The following JARID2 variants were observed in gnomAD, a reference collection of about 807,000 sequenced individuals.
The protein encoded by JARID2 is jumonji and AT-rich interaction domain containing 2, also known as protein Jumonji.
Under a neutral mutation model 125.6 loss-of-function variants are expected in JARID2, and 21 were observed. The ratio of observed to expected loss-of-function variants is 0.17; its 90% CI spans 0.12 to 0.24. The LOEUF is 0.24. Among genes scored for constraint, JARID2 ranks in the 10% least tolerant of loss-of-function variants. The pLI is 1.00. For missense variants in JARID2, 1,303 were observed against 1,639.6 expected, an observed-to-expected ratio of 0.79 and a Z score of 3.55; for synonymous variants, 736 against 661.6, an observed-to-expected ratio of 1.11 and a Z score of -1.73.
chr6:15,477,443 C>T (rs539968255), intron 5 of JARID2, among the ~76,000 whole-genome samples: 17 of 150,776 alleles, frequency 1.1e-4, no homozygotes, highest in Admixed American at 9.2e-4. Flanking sequence ...CTGGTAGCTC[C>T]ATTTTTCCTG....
chr6:15,267,285 GTA>G (rs1760121960), intron 1 of JARID2, among the ~76,000 whole-genome samples: 1 of 152,136 alleles, frequency 6.6e-6, no homozygotes, highest in Non-Finnish European at 1.5e-5. Flanking sequence ...CGGCTTATCA[GTA>G]TCTGACATAA....
At chr6:15,422,290 G>A (rs73724403) in intron 3 of JARID2, among the ~76,000 whole-genome samples, 5 of 152,306 alleles carry the variant, frequency 3.3e-5, no homozygotes, top group African/African-American at 1.2e-4. Context: ...AGCTGGAGTT[G>A]GTAGGTTTGG....
At position 15,421,835 on chromosome 6, in the gene JARID2, T is replaced by C. The variant is rs76479124; in HGVS notation, c.323+11470T>C. 7.2e-3 allele frequency among the ~76,000 whole-genome samples: 1,096 copies of C among 152,202 alleles called. 13 individuals carry two copies. Among genetic ancestry groups the C allele is most frequent in the African/African-American group, 0.025 (1,042 of 41,516 alleles). ...CAGCAGTTGGCTTGGTGAGCTGTAC[T>C]GGGGGTGGGGGTGCAGTTTGAACTG... is the stretch of plus-strand genomic sequence containing the variant. On this transcript the variant is annotated intron_variant, in intron 3 of 17. Coordinates refer to ENST00000341776, the MANE Select transcript of JARID2 (RefSeq NM_004973.4).
At chr6:15,301,389 T>C (rs1296743565) in intron 1 of JARID2, among the ~76,000 whole-genome samples, 1 of 152,216 alleles carries the variant, frequency 6.6e-6, no homozygotes, top group African/African-American at 2.4e-5. Context: ...CAGTCATCAG[T>C]GTGATATTCA....
At chr6:15,291,585 A>G (rs951656311) in intron 1 of JARID2, among the ~76,000 whole-genome samples, 22 of 152,192 alleles carry the variant, frequency 1.4e-4, no homozygotes, top group Non-Finnish European at 3.2e-4. Context: ...GGATCCTGCT[A>G]GGCCAGAATC....
intron 2 of JARID2, chr6:15,400,876 C>T: frequency 1.6e-6 from 2 of 1,287,480 alleles, no homozygotes; most frequent in South Asian, 2.5e-5. Flanking sequence ...CGGAGCCTGC[C>T]TCACTGCGCT....
chr6:15,481,098 G>A (rs1290013828), intron 5 of JARID2, among the ~76,000 whole-genome samples: 1 of 152,116 alleles, frequency 6.6e-6, no homozygotes, highest in Non-Finnish European at 1.5e-5. Context: ...ATCCCTCATT[G>A]GGAGCAAATC....
intron 1 of JARID2, among the ~76,000 whole-genome samples, chr6:15,274,265 G>T (rs1760409057): frequency 6.6e-6 from 1 of 152,060 alleles, no homozygotes; most frequent in Non-Finnish European, 1.5e-5. Context: ...TTTTTGGGGG[G>T]CATTAAGGAA....
intron 1 of JARID2, among the ~76,000 whole-genome samples, chr6:15,373,396 G>A (rs182360531): frequency 2.6e-4 from 40 of 152,204 alleles, no homozygotes; most frequent in African/African-American, 9.2e-4. Context: ...CATTCATTTT[G>A]TTAATTCTTA....
At chr6:15,266,296 T>C (rs1427780995) in intron 1 of JARID2, among the ~76,000 whole-genome samples, 1 of 152,222 alleles carries the variant, frequency 6.6e-6, no homozygotes, top group African/African-American at 2.4e-5. Flanking sequence ...TTTTAACTAT[T>C]AGTTACAATG....
At chr6:15,259,694 G>A (rs756309191) in intron 1 of JARID2, among the ~76,000 whole-genome samples, 11 of 152,208 alleles carry the variant, frequency 7.2e-5, no homozygotes, top group Non-Finnish European at 1.6e-4. Flanking sequence ...TTTTAGTGGG[G>A]TTTGGTTAAC....
intron 1 of JARID2, chr6:15,315,162 A>C (rs1762138248): frequency 6.6e-6 from 1 of 152,246 alleles, no homozygotes. Context: ...TTAATGAAGA[A>C]CAAAAGGAAA....
intron 2 of JARID2, among the ~76,000 whole-genome samples, chr6:15,399,767 C>G (rs1765354172): frequency 6.6e-6 from 1 of 152,144 alleles, no homozygotes; most frequent in Admixed American, 6.5e-5. Flanking sequence ...AAAGAAGAAA[C>G]TGAAAGTATT....
intron 3 of JARID2, among the ~76,000 whole-genome samples, chr6:15,439,895 T>C (rs1767373080): frequency 6.6e-6 from 1 of 152,238 alleles, no homozygotes; most frequent in Non-Finnish European, 1.5e-5. Context: ...AGTACTTTTA[T>C]AATGTCACAG....
chr6:15,383,596 A>G (rs1764673362), intron 2 of JARID2, among the ~76,000 whole-genome samples: 1 of 152,026 alleles, frequency 6.6e-6, no homozygotes, highest in African/African-American at 2.4e-5. Flanking sequence ...ATGCCCTTCT[A>G]TTTATATTCA....
intron 2 of JARID2, among the ~76,000 whole-genome samples, chr6:15,398,063 C>T (rs1765284017): frequency 6.6e-6 from 1 of 152,160 alleles, no homozygotes; most frequent in Non-Finnish European, 1.5e-5. Context: ...ACCCAATTCC[C>T]ATTGGAACCT....
chr6:15,503,904 G>A (rs1770864297), intron 8 of JARID2, among the ~76,000 whole-genome samples: 1 of 146,150 alleles, frequency 6.8e-6, no homozygotes, highest in South Asian at 2.1e-4. Context: ...CAGGGCAACA[G>A]AGGGGCATCG....
chr6:15,392,213 T>TA (rs1250145868), intron 2 of JARID2, among the ~76,000 whole-genome samples: 2 of 152,190 alleles, frequency 1.3e-5, no homozygotes, highest in East Asian at 3.8e-4. Flanking sequence ...CCATTTCTAA[T>TA]AAAAATCACC....
chr6:15,311,864 T>G (rs1581399200), intron 1 of JARID2, among the ~76,000 whole-genome samples: 1 of 152,180 alleles, frequency 6.6e-6, no homozygotes, highest in East Asian at 1.9e-4. Flanking sequence ...TACGTGAAAC[T>G]GGGGGGAATT....
Sources: allele counts gnomAD v4.1 joint callset (sites outside exome capture counted in the v4.1 genomes callset), GRCh38; gene constraint gnomAD v4.1.1; transcripts MANE v1.5; gene names NCBI Gene and HGNC (gene_info 2026-07-23, HGNC 2026-07-21).